Variants in RARB observed in about 807,000 individuals in gnomAD.
RARB encodes HBV-activated protein.
Under a neutral mutation model 51.9 loss-of-function variants are expected in RARB, and 17 were observed. That is an observed-to-expected ratio of 0.33 (90% CI 0.22 to 0.49). The LOEUF is 0.49. Ranked by LOEUF, RARB falls within the 20% of genes least tolerant of loss-of-function variation. The pLI is 0.99. For missense variants in RARB, 369 were observed against 550.8 expected (o/e 0.67, Z 3.30); for synonymous variants, 215 against 195.4 (o/e 1.10, Z -0.84).
intron 2 of RARB, among the ~76,000 whole-genome samples, chr3:25,472,041 A>G (rs1053374105): frequency 6.6e-6 from 1 of 152,232 alleles, no homozygotes; most frequent in Non-Finnish European, 1.5e-5. Flanking sequence ...TGGAAATAAT[A>G]AAACTGTCTT....
intron 3 of RARB, among the ~76,000 whole-genome samples, chr3:25,066,776 A>G (rs1310795014): frequency 6.6e-6 from 1 of 152,156 alleles, no homozygotes; most frequent in Non-Finnish European, 1.5e-5. Context: ...AATAAAAATT[A>G]TCTTTGTTAA....
chr3:25,305,521 G>A (rs914681196), intron 5 of RARB, among the ~76,000 whole-genome samples: 1 of 152,192 alleles, frequency 6.6e-6, no homozygotes, highest in Non-Finnish European at 1.5e-5. Flanking sequence ...GCAACAGGCT[G>A]TAGTTTCTGT....
At chr3:25,110,409 C>G (rs1217209854) in intron 3 of RARB, among the ~76,000 whole-genome samples, 1 of 152,202 alleles carries the variant, frequency 6.6e-6, no homozygotes, top group Non-Finnish European at 1.5e-5. Flanking sequence ...ATGCCAAAAT[C>G]ACTCAGTGAG....
Position 24,832,628 on chromosome 3 carries a change from A to ATATATATAT in RARB, c.-459+3225_-459+3226insTATATATAT, listed in dbSNP as rs1559366440. Among the ~76,000 whole-genome samples, 53 of 88,446 alleles carry ATATATATAT rather than the reference A, an allele frequency of 6.0e-4. 1 individual carries two copies. The highest frequency in any genetic ancestry group is 1.9e-3 in the African/African-American group (42 of 21,564). 58.0% of individuals were successfully genotyped at this position (88,446 alleles called of 152,430 possible). A position where few individuals can be genotyped will look rare whatever the true frequency, so the allele number is the denominator to read the frequency against. On this transcript the variant is annotated intron_variant, in intron 1 of 11. Coordinates refer to the RARB transcript ENST00000383772. ...CTGTATTTAGAAAAAATTGAGTCCCAATATATATATATATATATATATAAT... is the reference window on the plus strand; with the variant it reads ...CTGTATTTAGAAAAAATTGAGTCCCATATATATATATATATATATATATATATATATAAT...
intron 2 of RARB, among the ~76,000 whole-genome samples, chr3:25,056,265 A>G (rs1405777223): frequency 6.6e-6 from 1 of 152,152 alleles, no homozygotes; most frequent in Admixed American, 6.6e-5. Context: ...TTAGTGAGAG[A>G]AAGCTTCCAA....
intron 2 of RARB, among the ~76,000 whole-genome samples, chr3:24,880,938 G>A (rs1703146902): frequency 6.6e-6 from 1 of 152,032 alleles, no homozygotes; most frequent in Admixed American, 6.6e-5. Flanking sequence ...AAGTTCTTTG[G>A]GATCTAATAT....
At chr3:25,136,303 CAT>C (rs1437767856) in intron 4 of RARB, among the ~76,000 whole-genome samples, 1 of 151,892 alleles carries the variant, frequency 6.6e-6, no homozygotes, top group Non-Finnish European at 1.5e-5. Flanking sequence ...GGCTAGGACA[CAT>C]ATGGATAAGC....
At chr3:25,041,738 T>A (rs2125295301) in intron 2 of RARB, among the ~76,000 whole-genome samples, 1 of 152,176 alleles carries the variant, frequency 6.6e-6, no homozygotes, top group South Asian at 2.1e-4. Flanking sequence ...TAATGCCAAC[T>A]AGTATAAAAT....
chr3:25,523,230 C>T (rs1698485140), intron 3 of RARB, among the ~76,000 whole-genome samples: 2 of 152,104 alleles, frequency 1.3e-5, no homozygotes, highest in Non-Finnish European at 2.9e-5. Context: ...GGTTCTCTGC[C>T]CTTGTTTGTA....
intron 4 of RARB, among the ~76,000 whole-genome samples, chr3:25,571,450 T>C (rs932426796): frequency 1.3e-5 from 2 of 152,174 alleles, no homozygotes; most frequent in East Asian, 1.9e-4. Context: ...ACCTCGCCCA[T>C]TGGTGTCAGC....
At chr3:24,968,922 G>A (rs1211709671) in intron 2 of RARB, among the ~76,000 whole-genome samples, 3 of 151,832 alleles carry the variant, frequency 2.0e-5, no homozygotes, top group African/African-American at 2.4e-5. Flanking sequence ...ATCAATTCAC[G>A]TTTATTGAAT....
intron 1 of RARB, among the ~76,000 whole-genome samples, chr3:25,449,546 A>C (rs977016015): frequency 2.6e-5 from 4 of 152,178 alleles, no homozygotes; most frequent in Non-Finnish European, 4.4e-5. Flanking sequence ...GGAGTTCTGC[A>C]CAGTCCTAAG....
intron 2 of RARB, among the ~76,000 whole-genome samples, chr3:25,055,659 T>C (rs1399223290): frequency 4.6e-5 from 7 of 151,216 alleles, no homozygotes. Flanking sequence ...TGGGGAGGAG[T>C]GGGACTAGAA....
chr3:25,224,260 G>A lies in RARB; in HGVS notation c.178+49685G>A, dbSNP rs145261880. Among the ~76,000 whole-genome samples the A allele has an allele frequency of 1.4e-3, 212 of 152,234 alleles. 1 individual carries two copies. The highest frequency in any genetic ancestry group is 4.7e-3 in the African/African-American group (197 of 41,544). On this transcript the variant is annotated intron_variant, in intron 5 of 11. Transcript: ENST00000383772. ...AAACAAAAGATAGATCTCTTAGTTTGCTTGCTTGTTCATATCTAAACCTAA... is the reference window on the plus strand; with the variant it reads ...AAACAAAAGATAGATCTCTTAGTTTACTTGCTTGTTCATATCTAAACCTAA...
At chr3:25,304,274 T>A (rs1471692210) in intron 5 of RARB, among the ~76,000 whole-genome samples, 1 of 152,188 alleles carries the variant, frequency 6.6e-6, no homozygotes, top group Non-Finnish European at 1.5e-5. Flanking sequence ...TCTGCTAATC[T>A]CCTCTTTCTT....
intron 5 of RARB, among the ~76,000 whole-genome samples, chr3:25,277,977 C>G (rs915717570): frequency 6.6e-6 from 1 of 152,152 alleles, no homozygotes; most frequent in African/African-American, 2.4e-5. Flanking sequence ...TCTCTTGTGT[C>G]TTCTTTCATT....
chr3:25,437,003 C>G (rs991886070), intron 1 of RARB, among the ~76,000 whole-genome samples: 8 of 152,046 alleles, frequency 5.3e-5, no homozygotes, highest in African/African-American at 1.7e-4. Flanking sequence ...GATTAGAGAT[C>G]ATGTAAATTA....
intron 3 of RARB, among the ~76,000 whole-genome samples, chr3:25,092,503 T>C (rs1699216977): frequency 6.6e-6 from 1 of 152,142 alleles, no homozygotes; most frequent in Non-Finnish European, 1.5e-5. Flanking sequence ...TTGTTCCTAA[T>C]ACTACCTTTC....
chr3:25,551,687 T>C (rs2125668665), intron 3 of RARB, among the ~76,000 whole-genome samples: 1 of 152,234 alleles, frequency 6.6e-6, no homozygotes, highest in South Asian at 2.1e-4. Context: ...TCCTTAATAG[T>C]GGAGGGCTTG....
Sources: gnomAD v4.1 joint callset for allele counts (sites outside exome capture counted in the v4.1 genomes callset) on GRCh38, gnomAD v4.1.1 for gene constraint, MANE v1.5 for transcripts, NCBI Gene and HGNC (gene_info 2026-07-23, HGNC 2026-07-21) for gene names.